Variants in DHRS9 observed in about 807,000 individuals in gnomAD.
DHRS9 encodes dehydrogenase/reductase SDR family member 9.
A neutral mutation model predicts 26.6 loss-of-function variants in DHRS9; 18 were observed. The ratio of observed to expected loss-of-function variants is 0.68; its 90% confidence interval spans 0.47 to 1.00. The LOEUF is 1.00. DHRS9 is among the 50% of genes least tolerant of loss of function. DHRS9 has a pLI of 0.00. For synonymous variants in DHRS9, 134 were observed against 141.1 expected, an observed-to-expected ratio of 0.95 and a Z score of 0.36; for missense variants, 425 against 378.7, an observed-to-expected ratio of 1.12 and a Z score of -1.01.
chr2:169,093,108 G>A (rs574369767), intron 4 of DHRS9, among the ~76,000 whole-genome samples: 43 of 152,240 alleles, frequency 2.8e-4, no homozygotes, highest in African/African-American at 1.0e-3. Flanking sequence ...TATTCCTCAA[G>A]TACTCACTGA....
chr2:169,082,418 T>G (rs1452800885), intron 2 of DHRS9, among the ~76,000 whole-genome samples: 2 of 152,210 alleles, frequency 1.3e-5, no homozygotes, highest in Non-Finnish European at 2.9e-5. Context: ...TGCAATAGAT[T>G]CTGCTATGGT....
In DHRS9 at chr2:169,091,931, T is replaced by C. The variant is rs369324365; in HGVS notation, c.714T>C (p.Tyr238=). Residue 238 remains tyrosine, a synonymous_variant, in exon 4 of 5, where the codon TAT becomes TAC. Transcript: ENST00000674881. ...TGTCTCCAGACATCAAACAACAATA[T>C]GGAGAAGGTTACATTGAAAAAAGTG... ...EQLSPDIKQQ[Y]GEGYIEKSLD... is the part of the protein sequence containing the mutation. 2.3e-5 allele frequency: 37 copies of C among 1,613,728 alleles called. No individual in the cohort carries two copies. The African/African-American group carries it at 3.6e-4, about 16-fold the overall frequency.
intron 4 of DHRS9, among the ~76,000 whole-genome samples, chr2:169,093,099 A>G (rs1052649748): frequency 2.0e-5 from 3 of 152,112 alleles, no homozygotes; most frequent in Non-Finnish European, 4.4e-5. Flanking sequence ...TTTACTTGAT[A>G]TTCCTCAAGT....
At position 169,095,899 on chromosome 2, in the gene DHRS9, G is replaced by C; in HGVS notation, c.*132G>C. The C allele has an allele frequency of 1.2e-6, 1 of 824,254 alleles. No individual in the cohort carries two copies. Among genetic ancestry groups the C allele is most frequent in the African/African-American group, 1.7e-5 (1 of 57,886 alleles). 51.1% of individuals were successfully genotyped at this position (824,254 alleles called of 1,614,324 possible). On this transcript the variant is annotated 3_prime_UTR_variant, in exon 5 of 5. Coordinates refer to ENST00000674881, the MANE Select transcript of DHRS9 (RefSeq NM_001376924.1). ...GATCGTGCTTATTTGGATTGCAAAA[G>C]GGAGTCCCACCATCGCTGGTGGTAT...
chr2:169,071,562 A>C (rs1168082944), intron 1 of DHRS9, among the ~76,000 whole-genome samples: 1 of 152,164 alleles, frequency 6.6e-6, no homozygotes, highest in East Asian at 1.9e-4. Flanking sequence ...AGGCTGTCTG[A>C]GTGAATCTGT....
chr2:169,079,883 A>AAGAGAG (rs1247432554), intron 1 of DHRS9, among the ~76,000 whole-genome samples: 2 of 80,784 alleles, frequency 2.5e-5, no homozygotes, highest in African/African-American at 1.4e-4. Flanking sequence ...GAAAGAAAGA[A>AAGAGAG]AGAGAGAGAG....
At position 169,079,920 on chromosome 2, in the gene DHRS9, G is replaced by GAGAGAGAGA. The variant is rs1477372841; in HGVS notation, c.-59-1603_-59-1602insAGAGAGAGA. Among the ~76,000 whole-genome samples, 4 of 10,300 alleles carry GAGAGAGAGA rather than the reference G, an allele frequency of 3.9e-4. 1 individual carries two copies. Among genetic ancestry groups the GAGAGAGAGA allele is most frequent in the African/African-American group, 8.1e-4 (1 of 1,236 alleles). The allele number at this position is 10,300 out of a possible 152,430, so 6.8% of individuals were successfully genotyped here. ...GAGGGAGGGAGGGAGGGAGGGAGGG[G>GAGAGAGAGA]GAGAGAGAGAGAGAGAGAGAGAGAG... On this transcript the variant is annotated intron_variant, in intron 1 of 4. Transcript: ENST00000674881.
chr2:169,095,184 T>C (rs1038674426), intron 4 of DHRS9, among the ~76,000 whole-genome samples: 2 of 152,032 alleles, frequency 1.3e-5, no homozygotes, highest in African/African-American at 4.8e-5. Flanking sequence ...CACTGAGGGA[T>C]CAAAGTTTGA....
Position 169,074,436 on chromosome 2 carries a change from C to T in DHRS9, c.-60+4719C>T, listed in dbSNP as rs1485480757. 3.0e-6 allele frequency: 3 copies of T among 985,298 alleles called. No individual in the cohort carries two copies. In the African/African-American group the frequency reaches 5.2e-5, roughly 17 times the overall value. 61.0% of individuals were successfully genotyped at this position (985,298 alleles called of 1,614,324 possible). A position where few individuals can be genotyped will look rare whatever the true frequency, so the allele number is the denominator to read the frequency against. On this transcript the variant is annotated intron_variant, in intron 1 of 4. Transcript: ENST00000674881. ...TTGTTGTGCGATAAATTGGAAGACACAGCAGATAAGCAAACAACTCAAGCA... is the reference window on the plus strand; with the variant it reads ...TTGTTGTGCGATAAATTGGAAGACATAGCAGATAAGCAAACAACTCAAGCA...
intron 1 of DHRS9, among the ~76,000 whole-genome samples, chr2:169,078,620 T>C (rs945340656): frequency 7.9e-5 from 12 of 152,194 alleles, no homozygotes; most frequent in Non-Finnish European, 1.6e-4. Flanking sequence ...ACGGGAAATC[T>C]TGCTACATGG....
In DHRS9 at chr2:169,078,840, T is replaced by TTTTTTTTTTTTTTTTTTTTTTTTG; in HGVS notation, c.-59-2682_-59-2681insTTTTTTTTTTTTTTTTTTTTTTGT. ...CTTTTTTTTTTTTTTTTTTTTTTTT[T>TTTTTTTTTTTTTTTTTTTTTTTTG]TGTGACAGAGTCTTGCACTGTCGCC... is the stretch of plus-strand genomic sequence containing the variant. On this transcript the variant is annotated intron_variant, in intron 1 of 4. Coordinates refer to ENST00000674881, the MANE Select transcript of DHRS9 (RefSeq NM_001376924.1). Among the ~76,000 whole-genome samples, 9 of 137,266 alleles carry TTTTTTTTTTTTTTTTTTTTTTTTG rather than the reference T, an allele frequency of 6.6e-5. 1 individual carries two copies. The highest frequency in any genetic ancestry group is 2.4e-4 in the African/African-American group (8 of 33,726). The allele number at this position is 137,266 out of a possible 152,430, so 90.1% of individuals were successfully genotyped here.
intron 3 of DHRS9, among the ~76,000 whole-genome samples, chr2:169,084,923 G>T (rs1444604408): frequency 6.6e-6 from 1 of 152,118 alleles, no homozygotes; most frequent in African/African-American, 2.4e-5. Flanking sequence ...TTGTCCTGGA[G>T]AGTTACTCCA....
At chr2:169,091,710 C>G (rs1006695150) in intron 3 of DHRS9, 80 bp from the exon 4 acceptor site, 1 of 1,402,830 alleles carries the variant, frequency 7.1e-7, no homozygotes, top group Non-Finnish European at 9.7e-7. Context: ...TGAAAAGATT[C>G]GTGAGAAAAT....
At chr2:169,093,566 C>A (rs1004110579) in intron 4 of DHRS9, among the ~76,000 whole-genome samples, 1 of 152,146 alleles carries the variant, frequency 6.6e-6, no homozygotes, top group African/African-American at 2.4e-5. Context: ...TTTAAAAGAG[C>A]TTTCTCTGTT....
At chr2:169,069,856 C>T (rs993337314) in intron 1 of DHRS9, 139 bp downstream of exon 1, 4 of 807,536 alleles carry the variant, frequency 5.0e-6, no homozygotes, top group Non-Finnish European at 6.0e-6. Flanking sequence ...TAATGTAACA[C>T]ATTAGAACCC....
intron 2 of DHRS9, among the ~76,000 whole-genome samples, chr2:169,082,724 A>G (rs950083642): frequency 6.6e-6 from 1 of 152,112 alleles, no homozygotes; most frequent in Non-Finnish European, 1.5e-5. Context: ...GATTGATATC[A>G]CTCTTTGTCC....
Position 169,091,928 on chromosome 2 carries a change from A to C in DHRS9, c.711A>C (p.Gln237His), listed in dbSNP as rs770013451. 1.2e-6 allele frequency: 2 copies of C among 1,614,018 alleles called. No homozygotes were observed. Among genetic ancestry groups the C allele is most frequent in the East Asian group, 2.2e-5 (1 of 44,842 alleles). Residue 237 changes from glutamine to histidine, a missense_variant, in exon 4 of 5, where the codon CAA becomes CAC. Transcript: ENST00000674881. ...WEQLSPDIKQQYGEGYIEKSL... is the reference protein window; with the variant it reads ...WEQLSPDIKQHYGEGYIEKSL... The stretch of plus-strand genomic sequence containing the variant: ...AGCTGTCTCCAGACATCAAACAACA[A>C]TATGGAGAAGGTTACATTGAAAAAA...
In DHRS9 at chr2:169,091,902, C is replaced by T. The variant is rs1448096051; in HGVS notation, c.685C>T (p.Gln229Ter). ...VIEKKLAIWE[Q>*]LSPDIKQQYG... Reference sequence around the variant, plus strand: ...TGAAAAAAAACTCGCCATTTGGGAGCAGCTGTCTCCAGACATCAAACAACA... The same window carrying T: ...TGAAAAAAAACTCGCCATTTGGGAGTAGCTGTCTCCAGACATCAAACAACA... Residue 229 changes from glutamine (Q) to a stop codon, truncating the protein, a stop_gained, in exon 4 of 5, where the codon CAG becomes TAG. Coordinates refer to ENST00000674881, the MANE Select transcript of DHRS9 (RefSeq NM_001376924.1). LOFTEE classifies it high-confidence loss of function. The T allele has an allele frequency of 1.9e-6, 3 of 1,614,004 alleles. No individual in the cohort carries two copies. Among genetic ancestry groups the T allele is most frequent in the Non-Finnish European group, 2.5e-6 (3 of 1,179,990 alleles).
Position 169,095,699 on chromosome 2 carries a change from C to A in DHRS9, c.892C>A (p.Pro298Thr), listed in dbSNP as rs777224534. ...KIFWIPLSHMPAALQDFLLLK... is the reference protein window; with the variant it reads ...KIFWIPLSHMTAALQDFLLLK... ...TTTCTGGATACCTCTGTCTCACATG[C>A]CAGCAGCTTTGCAAGACTTTTTATT... The change falls in exon 5 of 5, where the codon CCA (proline) becomes ACA (threonine). Residue 298 changes from proline to threonine, a missense_variant. Transcript: ENST00000674881. 2.5e-6 allele frequency: 4 copies of A among 1,613,970 alleles called. No individual in the cohort carries two copies. The highest frequency in any genetic ancestry group is 3.4e-6 in the Non-Finnish European group (4 of 1,179,902).
Sources: allele counts gnomAD v4.1 joint callset (sites outside exome capture counted in the v4.1 genomes callset), GRCh38; gene constraint gnomAD v4.1.1; transcripts MANE v1.5; gene names NCBI Gene and HGNC (gene_info 2026-07-23, HGNC 2026-07-21).